CACNA2D3: variants seen among roughly 807,000 people sequenced by gnomAD.
The protein encoded by CACNA2D3 is voltage-dependent calcium channel subunit alpha-2/delta-3.
A neutral mutation model predicts 160.6 loss-of-function variants in CACNA2D3; 60 were observed. That is an observed-to-expected ratio of 0.37 (90% confidence interval 0.30 to 0.46). The LOEUF is 0.46. Ranked by LOEUF, CACNA2D3 falls within the 20% of genes least tolerant of loss-of-function variation. The pLI, the probability that CACNA2D3 is intolerant of heterozygous loss-of-function variation, is 1.00. For synonymous variants in CACNA2D3, 558 were observed against 492.9 expected, an observed-to-expected ratio of 1.13 and a Z score of -1.75; for missense variants, 1,205 against 1,365.0, an observed-to-expected ratio of 0.88 and a Z score of 1.85.
chr3:54,964,913 C>G (rs1702114314), intron 27 of CACNA2D3, among the ~76,000 whole-genome samples: 1 of 152,026 alleles, frequency 6.6e-6, no homozygotes, highest in African/African-American at 2.4e-5. Context: ...CCCTTACTCT[C>G]ATTCTCCCAT....
At chr3:54,134,257 G>A (rs1446551780) in intron 2 of CACNA2D3, among the ~76,000 whole-genome samples, 1 of 152,100 alleles carries the variant, frequency 6.6e-6, no homozygotes, top group African/African-American at 2.4e-5. Context: ...GAAATCCTGT[G>A]AACCCCTTAT....
intron 4 of CACNA2D3, among the ~76,000 whole-genome samples, chr3:54,457,292 CTCTT>C (rs1700416493): frequency 6.6e-6 from 1 of 151,908 alleles, no homozygotes; most frequent in Non-Finnish European, 1.5e-5. Context: ...ATTTTTCAAT[CTCTT>C]TCTTAATTCC....
At chr3:54,993,890 G>C (rs1702794881) in intron 31 of CACNA2D3, among the ~76,000 whole-genome samples, 1 of 121,412 alleles carries the variant, frequency 8.2e-6, no homozygotes, top group Admixed American at 7.6e-5. Context: ...CTGCTAGTGT[G>C]TGTGTGTGTG....
intron 14 of CACNA2D3, among the ~76,000 whole-genome samples, chr3:54,831,725 C>T (rs1047979580): frequency 1.3e-5 from 2 of 152,110 alleles, no homozygotes; most frequent in South Asian, 2.1e-4. Flanking sequence ...TTTTTGGCCT[C>T]AGAAATTTCT....
chr3:54,891,706 C>G (rs1445736842), intron 25 of CACNA2D3, among the ~76,000 whole-genome samples: 1 of 152,194 alleles, frequency 6.6e-6, no homozygotes, highest in African/African-American at 2.4e-5. Context: ...CTCTCCCGCC[C>G]TGATGAGTCA....
intron 16 of CACNA2D3, among the ~76,000 whole-genome samples, chr3:54,844,658 C>A (rs1698896521): frequency 6.6e-6 from 1 of 152,088 alleles, no homozygotes; most frequent in Non-Finnish European, 1.5e-5. Context: ...GTAGGGGAGG[C>A]AGGCATGAAA....
chr3:54,807,220 G>T (rs1340316663), intron 13 of CACNA2D3, among the ~76,000 whole-genome samples: 1 of 152,148 alleles, frequency 6.6e-6, no homozygotes, highest in African/African-American at 2.4e-5. Context: ...TAACTAAACT[G>T]AAGAGCTTCT....
intron 2 of CACNA2D3, among the ~76,000 whole-genome samples, chr3:54,205,547 GT>G (rs1701261243): frequency 6.6e-6 from 1 of 152,200 alleles, no homozygotes; most frequent in Non-Finnish European, 1.5e-5. Flanking sequence ...TGATAACTCT[GT>G]TGGGGAGATG....
chr3:54,342,926 C>T (rs973732801), intron 3 of CACNA2D3, among the ~76,000 whole-genome samples: 2 of 152,134 alleles, frequency 1.3e-5, no homozygotes, highest in South Asian at 2.1e-4. Flanking sequence ...GCATGAGGCC[C>T]GGGGGGGCCC....
In CACNA2D3 at chr3:54,816,732, A is replaced by C. The variant is rs1038262095; in HGVS notation, c.1381-121A>C. 8.6e-6 allele frequency: 9 copies of C among 1,051,946 alleles called. No homozygotes were observed. In the African/African-American group the frequency reaches 1.1e-4, roughly 13 times the overall value. The allele number at this position is 1,051,946 out of a possible 1,614,324, so 65.2% of individuals were successfully genotyped here. ...AAATAACTTGCTTTACCTCTTTTTC[A>C]CTTGTCTCCCCATTTTGGTTTCTCC... On this transcript the variant is annotated intron_variant, in intron 13 of 37. Coordinates refer to ENST00000474759, the MANE Select transcript of CACNA2D3 (RefSeq NM_018398.3).
chr3:54,747,736 T>G (rs1701781048), intron 11 of CACNA2D3, among the ~76,000 whole-genome samples: 1 of 152,088 alleles, frequency 6.6e-6, no homozygotes, highest in Non-Finnish European at 1.5e-5. Flanking sequence ...CTTGTACCTT[T>G]GGTTCCCTTC....
intron 35 of CACNA2D3, among the ~76,000 whole-genome samples, chr3:55,061,756 G>A (rs927797050): frequency 5.9e-5 from 9 of 152,268 alleles, no homozygotes; most frequent in South Asian, 2.1e-4. Context: ...AAATAACTTA[G>A]GTTCAGTACC....
intron 9 of CACNA2D3, among the ~76,000 whole-genome samples, chr3:54,601,769 G>T (rs1202238412): frequency 2.6e-5 from 4 of 151,810 alleles, no homozygotes; most frequent in African/African-American, 9.7e-5. Flanking sequence ...TGTGCTTCTG[G>T]AGTCTGATTT....
At chr3:54,763,665 G>A (rs1702129748) in intron 12 of CACNA2D3, among the ~76,000 whole-genome samples, 1 of 144,882 alleles carries the variant, frequency 6.9e-6, no homozygotes, top group Non-Finnish European at 1.5e-5. Flanking sequence ...GTGTGTGTGT[G>A]TGTGTATATA....
At chr3:54,363,900 G>T (rs955245747) in intron 3 of CACNA2D3, among the ~76,000 whole-genome samples, 8 of 152,156 alleles carry the variant, frequency 5.3e-5, no homozygotes, top group African/African-American at 1.9e-4. Flanking sequence ...CTGAGCCTCT[G>T]TGCACCACCA....
At chr3:54,342,552 G>C (rs1698376974) in intron 3 of CACNA2D3, among the ~76,000 whole-genome samples, 1 of 152,130 alleles carries the variant, frequency 6.6e-6, no homozygotes, top group Admixed American at 6.5e-5. Flanking sequence ...TGGTGACTTA[G>C]GAGCAGGACA....
At chr3:54,664,010 A>G (rs1700019937) in intron 11 of CACNA2D3, among the ~76,000 whole-genome samples, 1 of 152,194 alleles carries the variant, frequency 6.6e-6, no homozygotes, top group South Asian at 2.1e-4. Context: ...GAGCAGGCCC[A>G]GTTCTCACCA....
At chr3:54,975,944 G>A (rs183397527) in intron 29 of CACNA2D3, among the ~76,000 whole-genome samples, 49 of 151,926 alleles carry the variant, frequency 3.2e-4, no homozygotes, top group African/African-American at 1.2e-3. Flanking sequence ...CCAGACACTT[G>A]GTACATTGAT....
At chr3:54,885,006 A>G (rs1439086730) in intron 21 of CACNA2D3, among the ~76,000 whole-genome samples, 2 of 152,152 alleles carry the variant, frequency 1.3e-5, no homozygotes, top group South Asian at 2.1e-4. Flanking sequence ...TCATTTGTGT[A>G]TCCTCTATCT....
Sources: allele counts gnomAD v4.1 joint callset (sites outside exome capture counted in the v4.1 genomes callset), GRCh38; gene constraint gnomAD v4.1.1; transcripts MANE v1.5; gene names NCBI Gene and HGNC (gene_info 2026-07-23, HGNC 2026-07-21).